The following FAM219A variants were observed in gnomAD, a reference collection of about 807,000 sequenced individuals.
The protein encoded by FAM219A is protein FAM219A.
A neutral mutation model predicts 23.4 loss-of-function variants in FAM219A; 7 were observed. The ratio of observed to expected loss-of-function variants is 0.30; its 90% CI spans 0.17 to 0.56. FAM219A has a LOEUF of 0.56. Ranked by LOEUF, FAM219A falls within the 20% of genes least tolerant of loss-of-function variation. FAM219A has a pLI of 0.92. For synonymous variants in FAM219A, 93 were observed against 99.0 expected (o/e 0.94, Z 0.36); for missense variants, 166 against 246.9 (o/e 0.67, Z 2.20).
At position 34,442,957 on chromosome 9, in the gene FAM219A, T is replaced by G. The variant is rs190115416; in HGVS notation, c.60+15247A>C. Among the ~76,000 whole-genome samples, 10 of 152,278 alleles carry G rather than the reference T, an allele frequency of 6.6e-5. 1 individual carries two copies. In the East Asian group the frequency reaches 1.7e-3, roughly 26 times the overall value. Reference sequence around the variant, plus strand: ...TAAATTATTAAATTTAATTCAAATATTCAAACATTAAATTAAATCGATATT... The same window carrying G: ...TAAATTATTAAATTTAATTCAAATAGTCAAACATTAAATTAAATCGATATT... On this transcript the variant is annotated intron_variant, in intron 1 of 5. Transcript: ENST00000651358.
In FAM219A at chr9:34,458,240, G is replaced by A; in HGVS notation, c.24C>T (p.Phe8=). The change falls in exon 1 of 6, where the codon TTC becomes TTT. Residue 8 remains phenylalanine, a synonymous_variant. Transcript: ENST00000651358. This position sits in a 1 kb window ranked among gnomAD's most constrained non-coding sequence, Gnocchi z 6.6. MMEEIDR[F]QVPTAHSEMQ... is the part of the protein sequence containing the mutation. ...TCTCCGAGTGCGCGGTGGGCACCTG[G>A]AACCGGTCGATCTCCTCCATCATGG... 2 of 1,589,124 alleles carry A rather than the reference G, an allele frequency of 1.3e-6. No homozygotes were observed. Among genetic ancestry groups the A allele is most frequent in the Non-Finnish European group, 1.7e-6 (2 of 1,171,760 alleles).
intron 1 of FAM219A, among the ~76,000 whole-genome samples, chr9:34,433,813 C>T (rs1479139897): frequency 6.6e-6 from 1 of 152,062 alleles, no homozygotes; most frequent in Admixed American, 6.6e-5. Context: ...AATGCATATT[C>T]AATGGGGAAA....
chr9:34,399,449 A>G lies in FAM219A; in HGVS notation c.*1515T>C, dbSNP rs1174239656. Reference sequence around the variant, plus strand: ...TGATCTACAGACACCCTATACAGCCACACACAATAGACAACCCTCCAACAC... The same window carrying G: ...TGATCTACAGACACCCTATACAGCCGCACACAATAGACAACCCTCCAACAC... On this transcript the variant is annotated 3_prime_UTR_variant, in exon 6 of 6. Coordinates refer to ENST00000651358, the MANE Select transcript of FAM219A (RefSeq NM_001184940.2). The G allele has an allele frequency of 6.6e-6, 1 of 152,454 alleles. No individual in the cohort carries two copies. Among genetic ancestry groups the G allele is most frequent in the Non-Finnish European group, 1.5e-5 (1 of 68,232 alleles). 9.4% of individuals were successfully genotyped at this position (152,454 alleles called of 1,614,324 possible).
chr9:34,443,203 CAT>C (rs1264716119), intron 1 of FAM219A, among the ~76,000 whole-genome samples: 1 of 152,134 alleles, frequency 6.6e-6, no homozygotes, highest in East Asian at 1.9e-4. Flanking sequence ...TTGACTTTTT[CAT>C]ATGTTTCGTG....
chr9:34,405,694 C>T (rs1563998488), intron 2 of FAM219A, among the ~76,000 whole-genome samples, 171 bp downstream of exon 2: 1 of 152,208 alleles, frequency 6.6e-6, no homozygotes, highest in Non-Finnish European at 1.5e-5. Context: ...AGAACTGTAA[C>T]TGCCCTCTTT....
intron 1 of FAM219A, among the ~76,000 whole-genome samples, chr9:34,450,799 T>G (rs141569467): frequency 1.3e-5 from 2 of 152,218 alleles, no homozygotes; most frequent in East Asian, 3.8e-4. Context: ...AAGAATCTGA[T>G]GGCTAAATCA....
chr9:34,402,363 C>G, intron 4 of FAM219A, 24 bp downstream of exon 4: 1 of 1,614,222 alleles, frequency 6.2e-7, no homozygotes, highest in African/African-American at 1.3e-5. Context: ...GGCTGCCCAG[C>G]TACCCCCAAG....
At chr9:34,447,279 A>G (rs1418035462) in intron 1 of FAM219A, among the ~76,000 whole-genome samples, 1 of 152,254 alleles carries the variant, frequency 6.6e-6, no homozygotes, top group African/African-American at 2.4e-5. Flanking sequence ...TGTTCCAGAT[A>G]TGTTCTGAGT....
chr9:34,443,172 T>A (rs181181975), intron 1 of FAM219A, among the ~76,000 whole-genome samples: 2 of 152,012 alleles, frequency 1.3e-5, no homozygotes, highest in African/African-American at 2.4e-5. Flanking sequence ...CCCACTGACA[T>A]TGGGGAGAAT....
intron 1 of FAM219A, among the ~76,000 whole-genome samples, chr9:34,425,434 C>T (rs963180492): frequency 1.4e-4 from 21 of 152,074 alleles, no homozygotes; most frequent in Admixed American, 1.2e-3. Context: ...GAGCCGAGAT[C>T]GTGCCACTGC....
At chr9:34,419,106 GC>G (rs796695486) in intron 1 of FAM219A, among the ~76,000 whole-genome samples, 1 of 149,742 alleles carries the variant, frequency 6.7e-6, no homozygotes, top group South Asian at 2.1e-4. Flanking sequence ...AACAAACAAA[GC>G]CCCATGATGG....
chr9:34,424,217 G>A (rs552025841), intron 1 of FAM219A, among the ~76,000 whole-genome samples: 8 of 152,202 alleles, frequency 5.3e-5, no homozygotes, highest in East Asian at 1.9e-4. Flanking sequence ...AGTTGAGGCC[G>A]GGAGAAAGAA....
At chr9:34,443,620 T>G (rs996367439) in intron 1 of FAM219A, among the ~76,000 whole-genome samples, 2 of 152,212 alleles carry the variant, frequency 1.3e-5, no homozygotes, top group African/African-American at 4.8e-5. Context: ...ATCTTATTTA[T>G]TTTACAAATG....
At chr9:34,429,174 G>C (rs1315896138) in intron 1 of FAM219A, among the ~76,000 whole-genome samples, 2 of 152,228 alleles carry the variant, frequency 1.3e-5, no homozygotes, top group African/African-American at 4.8e-5. Context: ...GCCTGCAGCT[G>C]TTCTCTCAGG....
intron 2 of FAM219A, 94 bp downstream of exon 2, chr9:34,405,771 G>C: frequency 8.1e-7 from 1 of 1,236,434 alleles, no homozygotes; most frequent in Admixed American, 2.0e-5. Context: ...AATCATCTAG[G>C]CTGAGCTGGT....
rs118001126 is a variant in FAM219A at position 34,414,499 on chromosome 9, G to A, written c.61-8535C>T. On this transcript the variant is annotated intron_variant, in intron 1 of 5. Coordinates refer to ENST00000651358, the MANE Select transcript of FAM219A (RefSeq NM_001184940.2). Reference sequence around the variant, plus strand: ...CCTATGTAACAAACCTGCACGTTCTGCACATGTATCCCAGAACTTAAAATA... The same window carrying A: ...CCTATGTAACAAACCTGCACGTTCTACACATGTATCCCAGAACTTAAAATA... Among the ~76,000 whole-genome samples the A allele has an allele frequency of 5.2e-3, 795 of 152,238 alleles. 17 individuals are homozygous for A. The East Asian group carries it at 0.067, about 13-fold the overall frequency.
At chr9:34,403,726 G>A (rs750642974) in intron 2 of FAM219A, among the ~76,000 whole-genome samples, 10 of 152,176 alleles carry the variant, frequency 6.6e-5, no homozygotes, top group Non-Finnish European at 1.5e-4. Context: ...GCCAGATCTA[G>A]GAAAAGGAAC....
At chr9:34,452,236 A>G (rs1301270544) in intron 1 of FAM219A, among the ~76,000 whole-genome samples, 1 of 152,172 alleles carries the variant, frequency 6.6e-6, no homozygotes. Context: ...GAGGGGGGAC[A>G]AATGCCACTC....
intron 1 of FAM219A, among the ~76,000 whole-genome samples, chr9:34,414,377 C>T (rs1189437718): frequency 6.6e-6 from 1 of 152,218 alleles, no homozygotes; most frequent in African/African-American, 2.4e-5. Flanking sequence ...CCAGGCACTG[C>T]CTGCAGAGCC....
Sources: gnomAD v4.1 joint callset for allele counts (sites outside exome capture counted in the v4.1 genomes callset) on GRCh38, gnomAD v4.1.1 for gene constraint, Gnocchi (gnomAD v3.1) non-coding constraint, MANE v1.5 for transcripts, NCBI Gene and HGNC (gene_info 2026-07-23, HGNC 2026-07-21) for gene names.